Variants in HS3ST4 observed in about 807,000 individuals in gnomAD.
HS3ST4 encodes the protein heparan sulfate-glucosamine 3-sulfotransferase 4, also known as heparan sulfate glucosamine 3-O-sulfotransferase 4.
Under a neutral mutation model 29.2 loss-of-function variants are expected in HS3ST4, and 17 were observed. That is an observed-to-expected ratio of 0.58 (90% CI 0.40 to 0.87). The LOEUF (loss-of-function observed/expected upper bound fraction) is 0.87. Ranked by LOEUF, HS3ST4 falls within the 40% of genes least tolerant of loss-of-function variation. The probability of loss-of-function intolerance (pLI) is 0.00; values close to 1 mark genes in which losing one functional copy is unlikely to be tolerated. For synonymous variants in HS3ST4, 314 were observed against 285.7 expected (o/e 1.10, Z -1.00); for missense variants, 627 against 634.5 (o/e 0.99, Z 0.13).
At chr16:26,068,956 T>A (rs961535810) in intron 1 of HS3ST4, among the ~76,000 whole-genome samples, 1 of 152,140 alleles carries the variant, frequency 6.6e-6, no homozygotes, top group Non-Finnish European at 1.5e-5. Context: ...ATTATTTATT[T>A]ATGTATTGTG....
chr16:25,957,920 G>A (rs2141700358), intron 1 of HS3ST4, among the ~76,000 whole-genome samples: 1 of 150,086 alleles, frequency 6.7e-6, no homozygotes, highest in East Asian at 1.9e-4. Flanking sequence ...GGGATCAACA[G>A]GTGCTTGTGT....
At chr16:25,832,522 G>A (rs893457228) in intron 1 of HS3ST4, among the ~76,000 whole-genome samples, 1 of 152,298 alleles carries the variant, frequency 6.6e-6, no homozygotes, top group Middle Eastern at 3.4e-3. Context: ...TTATTCTAAT[G>A]TGATTTGCAT....
At chr16:25,990,098 A>C (rs7196247) in intron 1 of HS3ST4, among the ~76,000 whole-genome samples, 11,065 of 152,232 alleles carry the variant, frequency 0.073, 561 homozygotes, top group African/African-American at 0.15. Flanking sequence ...ATGTCTTCTC[A>C]GCTCATTTCT....
chr16:25,893,263 A>G (rs1450884473), intron 1 of HS3ST4, among the ~76,000 whole-genome samples: 1 of 152,226 alleles, frequency 6.6e-6, no homozygotes, highest in African/African-American at 2.4e-5. Flanking sequence ...TGGTGCTGGG[A>G]TTATGGCCAT....
chr16:25,699,757 A>G (rs1966322374), intron 1 of HS3ST4, among the ~76,000 whole-genome samples: 1 of 152,212 alleles, frequency 6.6e-6, no homozygotes, highest in South Asian at 2.1e-4. Flanking sequence ...CATGTTTTGT[A>G]TGTCTGAGCC....
At chr16:25,749,478 G>A (rs1474130560) in intron 1 of HS3ST4, among the ~76,000 whole-genome samples, 1 of 152,002 alleles carries the variant, frequency 6.6e-6, no homozygotes, top group African/African-American at 2.4e-5. Flanking sequence ...CTGGGCAATG[G>A]GAGTGAGATC....
intron 1 of HS3ST4, among the ~76,000 whole-genome samples, chr16:25,838,814 A>G (rs934815660): frequency 7.2e-5 from 11 of 152,220 alleles, no homozygotes; most frequent in African/African-American, 2.7e-4. Context: ...AAAAGAGCGA[A>G]GCCCTTTTTG....
intron 1 of HS3ST4, among the ~76,000 whole-genome samples, chr16:25,858,360 C>A (rs1006765485): frequency 1.3e-5 from 2 of 152,088 alleles, no homozygotes; most frequent in African/African-American, 4.8e-5. Flanking sequence ...TCCTGCTTTT[C>A]TTATTATCAA....
intron 1 of HS3ST4, among the ~76,000 whole-genome samples, chr16:26,034,668 C>CGGG (rs143831757): frequency 7.4e-5 from 7 of 94,422 alleles, no homozygotes; most frequent in African/African-American, 2.2e-4. Context: ...ATAGCAGGGG[C>CGGG]GGGGGGGGGT....
intron 1 of HS3ST4, among the ~76,000 whole-genome samples, chr16:26,082,808 A>G (rs548194646): frequency 6.6e-6 from 1 of 152,278 alleles, no homozygotes; most frequent in African/African-American, 2.4e-5. Context: ...TCATGGAGCA[A>G]CCTTACCTCC....
At chr16:25,738,815 C>T (rs1449784193) in intron 1 of HS3ST4, among the ~76,000 whole-genome samples, 1 of 152,136 alleles carries the variant, frequency 6.6e-6, no homozygotes, top group Non-Finnish European at 1.5e-5. Flanking sequence ...GTTTTTGTCC[C>T]AGAACCATAC....
chr16:25,889,803 G>A (rs890900495), intron 1 of HS3ST4, among the ~76,000 whole-genome samples: 1 of 152,144 alleles, frequency 6.6e-6, no homozygotes, highest in Non-Finnish European at 1.5e-5. Context: ...GGCTCGGTAG[G>A]AGGTAATTGA....
At chr16:25,716,640 A>G (rs1189082117) in intron 1 of HS3ST4, among the ~76,000 whole-genome samples, 1 of 152,212 alleles carries the variant, frequency 6.6e-6, no homozygotes, top group African/African-American at 2.4e-5. Flanking sequence ...GCTAAACTTA[A>G]TTGTAATGGA....
chr16:25,850,605 C>T (rs1967510269), intron 1 of HS3ST4, among the ~76,000 whole-genome samples: 1 of 152,166 alleles, frequency 6.6e-6, no homozygotes, highest in Admixed American at 6.5e-5. Flanking sequence ...TTCTTTGCCT[C>T]CTATTCTCCA....
intron 1 of HS3ST4, among the ~76,000 whole-genome samples, chr16:26,077,828 T>G (rs578180602): frequency 6.6e-6 from 1 of 152,352 alleles, no homozygotes; most frequent in African/African-American, 2.4e-5. Flanking sequence ...TCCAACACTT[T>G]AGGAATCTGA....
At position 26,133,132 on chromosome 16, in the gene HS3ST4, A is replaced by AT. The variant is rs140576534; in HGVS notation, c.735-2470dup. Among the ~76,000 whole-genome samples the AT allele has an allele frequency of 1.0e-3, 152 of 149,992 alleles. 3 individuals carry two copies. Among genetic ancestry groups the AT allele is most frequent in the Admixed American group, 1.0e-3 (15 of 15,006 alleles). ...CCTTTTCCATTTGGTCAAATGAAGT[A>AT]TTTTTTTTTTCCTTGCCCTTCTGTA... On this transcript the variant is annotated intron_variant, in intron 1 of 1. Coordinates refer to ENST00000331351, the MANE Select transcript of HS3ST4 (RefSeq NM_006040.3).
chr16:25,875,881 C>G (rs2141661866), intron 1 of HS3ST4, among the ~76,000 whole-genome samples: 1 of 152,192 alleles, frequency 6.6e-6, no homozygotes, highest in East Asian at 1.9e-4. Flanking sequence ...CTGCTTCCCA[C>G]CAGATTGATG....
chr16:25,745,934 G>C lies in HS3ST4; in HGVS notation c.734+52783G>C, dbSNP rs981724587. 5.9e-5 allele frequency among the ~76,000 whole-genome samples: 9 copies of C among 152,262 alleles called. No homozygotes were observed. The East Asian group carries it at 1.5e-3, about 26-fold the overall frequency. ...TCAGATGTTACGTTTGGCAAATATT[G>C]AAACACAATGTCCACTGCATACAGG... On this transcript the variant is annotated intron_variant, in intron 1 of 1. Transcript: ENST00000331351.
chr16:26,120,538 C>T (rs1899262209), intron 1 of HS3ST4, among the ~76,000 whole-genome samples: 1 of 152,176 alleles, frequency 6.6e-6, no homozygotes, highest in South Asian at 2.1e-4. Flanking sequence ...AGCACAAGTT[C>T]CCTTCAACAC....
Sources: gnomAD v4.1 joint callset for allele counts (sites outside exome capture counted in the v4.1 genomes callset) on GRCh38, gnomAD v4.1.1 for gene constraint, MANE v1.5 for transcripts, NCBI Gene and HGNC (gene_info 2026-07-23, HGNC 2026-07-21) for gene names.